The following SHISAL1 variants were observed in gnomAD, a reference collection of about 807,000 sequenced individuals.
SHISAL1 encodes protein shisa-like-1.
Under a neutral mutation model 22.6 loss-of-function variants are expected in SHISAL1, and 9 were observed. The observed-to-expected ratio is 0.40, with a 90% CI of 0.24 to 0.70. SHISAL1 has a LOEUF of 0.70. SHISAL1 is among the 30% of genes least tolerant of loss of function. The pLI is 0.39. For missense variants in SHISAL1, 246 were observed against 270.6 expected (o/e 0.91, Z 0.64); for synonymous variants, 119 against 115.4 (o/e 1.03, Z -0.20).
At chr22:44,285,332 A>G (rs2055305224) in intron 4 of SHISAL1, 96 bp downstream of exon 4, 15 of 1,342,888 alleles carry the variant, frequency 1.1e-5, no homozygotes, top group Non-Finnish European at 1.6e-5. Context: ...CAGGCAACCA[A>G]TGAGCCAAAC....
chr22:44,307,428 C>G (rs745789211), intron 1 of SHISAL1, among the ~76,000 whole-genome samples: 60 of 152,204 alleles, frequency 3.9e-4, no homozygotes, highest in Non-Finnish European at 7.6e-4. Flanking sequence ...CTCACTCTAC[C>G]TCCTGGCACT....
At chr22:44,279,621 A>G (rs1364312246) in intron 4 of SHISAL1, among the ~76,000 whole-genome samples, 1 of 152,190 alleles carries the variant, frequency 6.6e-6, no homozygotes, top group Non-Finnish European at 1.5e-5. Flanking sequence ...CGCAGGGAGA[A>G]TAAGGTGAGA....
intron 3 of SHISAL1, among the ~76,000 whole-genome samples, chr22:44,286,514 C>T (rs930428201): frequency 6.6e-6 from 1 of 152,206 alleles, no homozygotes; most frequent in Non-Finnish European, 1.5e-5. Context: ...CTCCAGCACC[C>T]GGCCTTTGCA....
chr22:44,320,520 T>G, the SHISAL1 span, among the ~76,000 whole-genome samples: 1 of 152,192 alleles, frequency 6.6e-6, no homozygotes, highest in East Asian at 1.9e-4. Context: ...AGAAAATAGC[T>G]TTCACACTAT....
chr22:44,330,993 C>T, the SHISAL1 span, among the ~76,000 whole-genome samples: 29 of 152,112 alleles, frequency 1.9e-4, no homozygotes, highest in Non-Finnish European at 3.4e-4. Flanking sequence ...GGCCCTCAGT[C>T]CCCGTGCAGC....
At chr22:44,317,846 C>T (rs918812272), upstream of SHISAL1, among the ~76,000 whole-genome samples, 9 of 152,224 alleles carry the variant, frequency 5.9e-5, no homozygotes, top group African/African-American at 1.2e-4. Context: ...TCTGCTTAGT[C>T]GTCCCCAAAC....
chr22:44,309,172 A>C (rs113505730), intron 1 of SHISAL1, among the ~76,000 whole-genome samples: 1,946 of 152,272 alleles, frequency 0.013, 36 homozygotes, highest in African/African-American at 0.045. Context: ...GTCGCCACTC[A>C]GGGATCACCT....
At chr22:44,304,225 C>A (rs1174058599) in intron 1 of SHISAL1, among the ~76,000 whole-genome samples, 1 of 152,276 alleles carries the variant, frequency 6.6e-6, no homozygotes, top group South Asian at 2.1e-4. Context: ...AGAGTTAGGG[C>A]TCTGGGCAGG....
rs77000379 is a variant in SHISAL1 at position 44,255,190 on chromosome 22, A to T, written c.*-5505T>A. 7.0e-3 allele frequency among the ~76,000 whole-genome samples: 1,070 copies of T among 151,902 alleles called. 5 individuals carry two copies. The highest frequency in any genetic ancestry group is 0.024 in the Middle Eastern group (7 of 294). ...AAACACTGTATGTTGATATATATAT[A>T]TTTTTTTTGAGATGGAGTCGGAGTT... On this transcript the variant is annotated intron_variant, in intron 4 of 4. Transcript: ENST00000381176.
chr22:44,266,065 C>A (rs150180770), intron 4 of SHISAL1, among the ~76,000 whole-genome samples: 76 of 152,098 alleles, frequency 5.0e-4, no homozygotes, highest in African/African-American at 1.8e-3. Context: ...TCAGACCCAG[C>A]CTTGCCATTC....
rs1265754704 is a variant in SHISAL1, at chr22:44,249,447, T to A, written c.*238A>T. On this transcript the variant is annotated 3_prime_UTR_variant, in exon 5 of 5. Transcript: ENST00000381176. Reference sequence around the variant, plus strand: ...AGCCACCAGCCCAAAATAGGACTATTGCTTGCGGACAGGTGGCTCAGAATC... The same window carrying A: ...AGCCACCAGCCCAAAATAGGACTATAGCTTGCGGACAGGTGGCTCAGAATC... 6.1e-6 allele frequency: 3 copies of A among 492,522 alleles called. No individual in the cohort carries two copies. The highest frequency in any genetic ancestry group is 3.6e-5 in the Admixed American group (1 of 27,626). The allele number at this position is 492,522 out of a possible 1,614,324, so 30.5% of individuals were successfully genotyped here. A position where few individuals can be genotyped will look rare whatever the true frequency, so the allele number is the denominator to read the frequency against.
At position 44,293,074 on chromosome 22, in the gene SHISAL1, C is replaced by T. The variant is rs771460116; in HGVS notation, c.281+3598G>A. Reference sequence around the variant, plus strand: ...TCCACCAGCTCTTTATTCCCCGCTTCCCCTTGCTCTTCCACTGGGCTGCAG... The same window carrying T: ...TCCACCAGCTCTTTATTCCCCGCTTTCCCTTGCTCTTCCACTGGGCTGCAG... On this transcript the variant is annotated intron_variant, in intron 3 of 4. Coordinates refer to ENST00000381176, the MANE Select transcript of SHISAL1 (RefSeq NM_001099294.2). Among the ~76,000 whole-genome samples, 3 of 152,250 alleles carry T rather than the reference C, an allele frequency of 2.0e-5. No homozygotes were observed. The East Asian group carries it at 5.8e-4, about 29-fold the overall frequency.
intron 4 of SHISAL1, among the ~76,000 whole-genome samples, chr22:44,271,633 T>C (rs978385978): frequency 2.3e-4 from 35 of 152,344 alleles, no homozygotes; most frequent in Non-Finnish European, 3.5e-4. Context: ...TCCATGGTCC[T>C]CCCTGACCCA....
At chr22:44,263,944 C>G (rs2055144161) in intron 4 of SHISAL1, among the ~76,000 whole-genome samples, 1 of 152,152 alleles carries the variant, frequency 6.6e-6, no homozygotes, top group South Asian at 2.1e-4. Flanking sequence ...CACACAATAC[C>G]CAAGAGAGAT....
intron 3 of SHISAL1, among the ~76,000 whole-genome samples, chr22:44,294,649 G>A (rs1348825297): frequency 6.6e-6 from 1 of 152,090 alleles, no homozygotes; most frequent in East Asian, 1.9e-4. Context: ...AAAACAGCAA[G>A]GTAGGGTGAT....
chr22:44,254,144 G>C (rs2055068632), intron 4 of SHISAL1, among the ~76,000 whole-genome samples: 1 of 151,944 alleles, frequency 6.6e-6, no homozygotes. Context: ...GTGGGATGCA[G>C]CCGAGCCAAT....
intron 4 of SHISAL1, among the ~76,000 whole-genome samples, chr22:44,271,230 G>C (rs1176920928): frequency 6.6e-6 from 1 of 152,178 alleles, no homozygotes. Flanking sequence ...ACAGAGTCCA[G>C]TCCAAGCCCA....
intron 3 of SHISAL1, among the ~76,000 whole-genome samples, chr22:44,288,598 G>A (rs992687528): frequency 8.5e-5 from 13 of 152,168 alleles, no homozygotes; most frequent in Admixed American, 3.9e-4. Flanking sequence ...CTGAGATTGC[G>A]CCACTGCACC....
At chr22:44,331,606 G>A in the SHISAL1 span, among the ~76,000 whole-genome samples, 1 of 149,640 alleles carries the variant, frequency 6.7e-6, no homozygotes, top group Non-Finnish European at 1.5e-5. The surrounding 1 kb of genome is among the most constrained non-coding windows in gnomAD (Gnocchi z 5.2). Flanking sequence ...CCCTGCCGCC[G>A]CCGCAACAGT....
Sources: allele counts gnomAD v4.1 joint callset (sites outside exome capture counted in the v4.1 genomes callset), GRCh38; gene constraint gnomAD v4.1.1; non-coding constraint Gnocchi (gnomAD v3.1); transcripts MANE v1.5; gene names NCBI Gene and HGNC (gene_info 2026-07-23, HGNC 2026-07-21).